The following PHF21B variants were observed in gnomAD, a reference collection of about 807,000 sequenced individuals.
PHF21B encodes PHD finger protein 21B, also known as PHD finger protein 4.
PHF21B carries 22 observed loss-of-function variants against 62.2 expected under a neutral mutation model. The ratio of observed to expected loss-of-function variants is 0.35; its 90% confidence interval spans 0.25 to 0.51. The LOEUF (loss-of-function observed/expected upper bound fraction) is 0.51, where lower values mean the gene tolerates loss of function less well. Ranked by LOEUF, PHF21B falls within the 20% of genes least tolerant of loss-of-function variation. The pLI is 0.97. For missense variants in PHF21B, 701 were observed against 707.9 expected (o/e 0.99, Z 0.11); for synonymous variants, 341 against 314.7 (o/e 1.08, Z -0.88).
chr22:45,006,603 T>C (rs1346187309), intron 2 of PHF21B, among the ~76,000 whole-genome samples: 1 of 152,168 alleles, frequency 6.6e-6, no homozygotes, highest in Non-Finnish European at 1.5e-5. Context: ...AGCCTCGAAA[T>C]AGTTGCTACA....
In PHF21B at chr22:44,939,607, T is replaced by C. The variant is rs189643616; in HGVS notation, c.121-19117A>G. Reference sequence around the variant, plus strand: ...GGAAGTTAAGTAGGGTTCCCAGACATGGGGCGGAGGTAACTGTGGGACACC... The same window carrying C: ...GGAAGTTAAGTAGGGTTCCCAGACACGGGGCGGAGGTAACTGTGGGACACC... On this transcript the variant is annotated intron_variant, in intron 2 of 12. Coordinates refer to ENST00000313237, the MANE Select transcript of PHF21B (RefSeq NM_138415.5). Among the ~76,000 whole-genome samples the C allele has an allele frequency of 3.3e-3, 496 of 152,124 alleles. 2 individuals carry two copies. The highest frequency in any genetic ancestry group is 6.3e-3 in the Non-Finnish European group (425 of 67,996).
chr22:45,008,880 G>T, intron 1 of PHF21B: 3 of 1,172,148 alleles, frequency 2.6e-6, no homozygotes, highest in Non-Finnish European at 3.2e-6. Flanking sequence ...GTGCAAGTTT[G>T]CAGGCCGGGG....
At chr22:44,929,420 C>T (rs1392998633) in intron 2 of PHF21B, among the ~76,000 whole-genome samples, 1 of 152,216 alleles carries the variant, frequency 6.6e-6, no homozygotes, top group Non-Finnish European at 1.5e-5. Context: ...CAGCAAGGGC[C>T]ACGGCGAGTG....
intron 2 of PHF21B, among the ~76,000 whole-genome samples, chr22:45,000,341 C>T (rs140415110): frequency 1.5e-4 from 23 of 152,204 alleles, no homozygotes; most frequent in East Asian, 3.9e-4. Flanking sequence ...TCAAGAGCCT[C>T]GGCTGCTGAA....
intron 2 of PHF21B, among the ~76,000 whole-genome samples, chr22:44,921,649 T>C (rs2071539977): frequency 1.3e-5 from 2 of 151,716 alleles, no homozygotes; most frequent in African/African-American, 4.9e-5. Context: ...ATTACAGGCA[T>C]GAGCCACGGA....
intron 2 of PHF21B, among the ~76,000 whole-genome samples, chr22:44,936,836 T>G (rs1273743430): frequency 6.6e-6 from 1 of 151,904 alleles, no homozygotes; most frequent in African/African-American, 2.4e-5. Flanking sequence ...AAACTTGTAA[T>G]TTAAGACAAA....
chr22:45,005,353 C>T (rs912943537), intron 2 of PHF21B, among the ~76,000 whole-genome samples: 3 of 152,234 alleles, frequency 2.0e-5, no homozygotes, highest in African/African-American at 7.2e-5. Flanking sequence ...ACCAACTATC[C>T]TATGCCTCAT....
chr22:44,942,309 C>T (rs894114779), intron 2 of PHF21B, among the ~76,000 whole-genome samples: 1 of 152,146 alleles, frequency 6.6e-6, no homozygotes, highest in Admixed American at 6.5e-5. Flanking sequence ...ATGGGCTCTG[C>T]CAGATTCCTG....
At chr22:44,968,555 A>T (rs966042264) in intron 2 of PHF21B, among the ~76,000 whole-genome samples, 1 of 151,734 alleles carries the variant, frequency 6.6e-6, no homozygotes, top group African/African-American at 2.4e-5. Flanking sequence ...GAGGCAGAAG[A>T]ATTGCTTGAA....
chr22:44,901,925 T>C (rs951433278), intron 5 of PHF21B: 2 of 225,494 alleles, frequency 8.9e-6, no homozygotes, highest in Non-Finnish European at 1.8e-5. Flanking sequence ...GATATTCTCC[T>C]ACTGAAGACA....
At chr22:44,936,171 T>A (rs5766210) in intron 2 of PHF21B, among the ~76,000 whole-genome samples, 1 of 152,088 alleles carries the variant, frequency 6.6e-6, no homozygotes, top group Non-Finnish European at 1.5e-5. Flanking sequence ...CTGGGATGAA[T>A]GGGCCAAGCC....
intron 3 of PHF21B, among the ~76,000 whole-genome samples, chr22:44,918,188 C>T (rs773122380): frequency 7.9e-5 from 12 of 152,258 alleles, no homozygotes; most frequent in African/African-American, 2.2e-4. Context: ...TGCTGTTCTC[C>T]GCCTCTGAAG....
intron 2 of PHF21B, among the ~76,000 whole-genome samples, chr22:44,951,641 T>C (rs947923677): frequency 6.6e-6 from 1 of 152,266 alleles, no homozygotes; most frequent in Non-Finnish European, 1.5e-5. Context: ...TGCTGCATAG[T>C]ATTCCCCTCT....
At chr22:44,974,496 C>A (rs1489060318) in intron 2 of PHF21B, among the ~76,000 whole-genome samples, 1 of 152,090 alleles carries the variant, frequency 6.6e-6, no homozygotes, top group Non-Finnish European at 1.5e-5. Context: ...CATTTTCACC[C>A]AAACAGCCGA....
chr22:44,937,371 G>A (rs1042395895), intron 2 of PHF21B, among the ~76,000 whole-genome samples: 4 of 152,220 alleles, frequency 2.6e-5, no homozygotes, highest in African/African-American at 7.2e-5. Context: ...GCCACCAGGT[G>A]TGAACACAGG....
At chr22:45,006,723 T>G (rs1429931743) in intron 2 of PHF21B, among the ~76,000 whole-genome samples, 2 of 152,122 alleles carry the variant, frequency 1.3e-5, no homozygotes, top group South Asian at 4.1e-4. Flanking sequence ...TCCTAGGTTA[T>G]TGGATTTTTT....
rs138044234 is a variant in PHF21B, at chr22:44,885,487, T to G, written c.1316A>C (p.Glu439Ala). 10 of 1,600,120 alleles carry G rather than the reference T, an allele frequency of 6.2e-6. No homozygotes were observed. In the African/African-American group the frequency reaches 1.2e-4, roughly 19 times the overall value. ...CAGCTGCTGGTGCTCGTTCTGCAGC[T>G]CACTGCCTCGTTGCAGCAGCTTCTG... Reference protein sequence around the residue: ...EKQKLLQRGSELQNEHQQLEE... With the variant: ...EKQKLLQRGSALQNEHQQLEE... Residue 439 changes from glutamate to alanine, a missense_variant, in exon 12 of 13, where the codon GAG becomes GCG. Coordinates refer to ENST00000313237, the MANE Select transcript of PHF21B (RefSeq NM_138415.5).
At chr22:44,921,382 T>C (rs1464737771) in intron 2 of PHF21B, among the ~76,000 whole-genome samples, 2 of 151,812 alleles carry the variant, frequency 1.3e-5, no homozygotes, top group African/African-American at 2.4e-5. Flanking sequence ...TTTTTTTTTT[T>C]CTTGAGACGG....
intron 7 of PHF21B, among the ~76,000 whole-genome samples, chr22:44,891,977 G>A (rs918082499): frequency 6.6e-6 from 1 of 152,196 alleles, no homozygotes; most frequent in Non-Finnish European, 1.5e-5. Context: ...GTGGACCTGG[G>A]GAAGGGCCCC....
Sources: allele counts gnomAD v4.1 joint callset (sites outside exome capture counted in the v4.1 genomes callset), GRCh38; gene constraint gnomAD v4.1.1; transcripts MANE v1.5; gene names NCBI Gene and HGNC (gene_info 2026-07-23, HGNC 2026-07-21).